Variants in ARHGAP35 observed in about 807,000 individuals in gnomAD.
ARHGAP35 encodes the protein Rho GTPase activating protein 35.
A neutral mutation model predicts 111.1 loss-of-function variants in ARHGAP35; 15 were observed. That is an observed-to-expected ratio of 0.13 (90% CI 0.09 to 0.21). ARHGAP35 has a LOEUF of 0.21. Ranked by LOEUF, ARHGAP35 falls within the 10% of genes least tolerant of loss-of-function variation. The probability of loss-of-function intolerance (pLI) is 1.00; values close to 1 mark genes in which losing one functional copy is unlikely to be tolerated. For synonymous variants in ARHGAP35, 643 were observed against 710.3 expected, an observed-to-expected ratio of 0.91 and a Z score of 1.51; for missense variants, 1,262 against 1,873.0, an observed-to-expected ratio of 0.67 and a Z score of 6.02.
intron 2 of ARHGAP35, among the ~76,000 whole-genome samples, chr19:46,925,785 C>T (rs2056234723): frequency 6.6e-6 from 1 of 152,178 alleles, no homozygotes; most frequent in Non-Finnish European, 1.5e-5. Context: ...TCTCCACATT[C>T]TTTCTGCAAA....
rs1442813643 is a variant in ARHGAP35, at chr19:46,906,009, G to A, written c.-188-12479G>A. Among the ~76,000 whole-genome samples, 6 of 151,152 alleles carry A rather than the reference G, an allele frequency of 4.0e-5. No homozygotes were observed. In the East Asian group the frequency reaches 9.8e-4, roughly 25 times the overall value. On this transcript the variant is annotated intron_variant, in intron 1 of 6. Transcript: ENST00000672722. ...ACATTTTTTTTTTTTTTTAACGTGG[G>A]ACACCAACATACAAAACAGATCAAA... is the stretch of plus-strand genomic sequence containing the variant.
Position 46,993,691 on chromosome 19 carries a change from G to T in ARHGAP35, c.4036+4016G>T, listed in dbSNP as rs185729305. Among the ~76,000 whole-genome samples the T allele has an allele frequency of 1.3e-4, 20 of 152,272 alleles. 1 individual carries two copies. The highest frequency in any genetic ancestry group is 4.8e-4 in the African/African-American group (20 of 41,546). On this transcript the variant is annotated intron_variant, in intron 5 of 6. Coordinates refer to ENST00000672722, the MANE Select transcript of ARHGAP35 (RefSeq NM_004491.5). The surrounding 1 kb of genome is among the most constrained non-coding windows in gnomAD (Gnocchi z 4.6). ...TGGCCCAAAAATGCCTCCCTTGGAC[G>T]TTTCTTGTTGTCTCAGTCGATGGCC...
chr19:46,957,051 T>C lies in ARHGAP35; in HGVS notation c.3826+19643T>C, dbSNP rs191954991. Reference sequence around the variant, plus strand: ...CTCTCGGCTCACTGCAACCTCCGCCTCCCGGGTTCACACCATTCTCCTGTC... The same window carrying C: ...CTCTCGGCTCACTGCAACCTCCGCCCCCCGGGTTCACACCATTCTCCTGTC... On this transcript the variant is annotated intron_variant, in intron 3 of 6. Coordinates refer to ENST00000672722, the MANE Select transcript of ARHGAP35 (RefSeq NM_004491.5). 8.7e-3 allele frequency among the ~76,000 whole-genome samples: 1,192 copies of C among 137,532 alleles called. 10 individuals carry two copies. Among genetic ancestry groups the C allele is most frequent in the Non-Finnish European group, 0.013 (838 of 65,456 alleles). 90.2% of individuals were successfully genotyped at this position (137,532 alleles called of 152,430 possible).
intron 2 of ARHGAP35, among the ~76,000 whole-genome samples, chr19:46,929,841 G>A (rs2056261774): frequency 6.6e-6 from 1 of 151,180 alleles, no homozygotes; most frequent in Admixed American, 6.6e-5. Context: ...TTGAACCCAG[G>A]AGGTGGAGTT....
chr19:46,961,775 C>G (rs546217754), intron 3 of ARHGAP35, among the ~76,000 whole-genome samples: 2 of 152,092 alleles, frequency 1.3e-5, no homozygotes, highest in African/African-American at 2.4e-5. Flanking sequence ...ACTAAAAATA[C>G]AAAAATTAGC....
Position 46,919,232 on chromosome 19 carries a change from A to G in ARHGAP35, c.557A>G (p.Asn186Ser), listed in dbSNP as rs766321071. ...DQLKFVSNLY[N>S]QLAKTKKPIV... ...CTCAAGTTTGTCTCCAATCTCTACA[A>G]TCAGCTTGCAAAAACAAAAAAGCCC... Residue 186 changes from asparagine to serine, a missense_variant, in exon 2 of 7, where the codon AAT becomes AGT. Transcript: ENST00000672722. The surrounding 1 kb of genome is among the most constrained non-coding windows in gnomAD (Gnocchi z 6.2). 1.5e-5 allele frequency: 25 copies of G among 1,613,882 alleles called. No individual in the cohort carries two copies. Among genetic ancestry groups the G allele is most frequent in the South Asian group, 9.9e-5 (9 of 91,064 alleles).
rs770589909 is a variant in ARHGAP35 at position 46,942,817 on chromosome 19, G to GAAAAA, written c.3826+5425_3826+5429dup. ...GGCAACAGAGCAAGACCCTGTCTCAGAAAAAAAAAAAAAAAAAAAAGGAAA... is the reference window on the plus strand; with the variant it reads ...GGCAACAGAGCAAGACCCTGTCTCAGAAAAAAAAAAAAAAAAAAAAAAAAAGGAAA... On this transcript the variant is annotated intron_variant, in intron 3 of 6. Transcript: ENST00000672722. 1.4e-5 allele frequency among the ~76,000 whole-genome samples: 2 copies of GAAAAA among 140,030 alleles called. 1 individual carries two copies. Among genetic ancestry groups the GAAAAA allele is most frequent in the Non-Finnish European group, 3.0e-5 (2 of 66,300 alleles). The allele number at this position is 140,030 out of a possible 152,430, so 91.9% of individuals were successfully genotyped here. A position where few individuals can be genotyped will look rare whatever the true frequency, so the allele number is the denominator to read the frequency against.
At chr19:46,868,648 T>C (rs1376291373) in intron 1 of ARHGAP35, among the ~76,000 whole-genome samples, 1 of 152,204 alleles carries the variant, frequency 6.6e-6, no homozygotes, top group African/African-American at 2.4e-5. Context: ...TAAACTAGTC[T>C]AACAGGAAGA....
chr19:46,861,092 GAGCCGCCGCCGCCGCCTC>G lies in ARHGAP35; in HGVS notation c.-296_-279del, dbSNP rs1335902017. ...GGGTCCGCCCGGCCCCCCGCCGCCG[GAGCCGCCGCCGCCGCCTC>G]AGCCGCCGCTGGACTAGGAGCAGGG... On this transcript the variant is annotated 5_prime_UTR_variant, in exon 1 of 7. Coordinates refer to ENST00000672722, the MANE Select transcript of ARHGAP35 (RefSeq NM_004491.5). Among the ~76,000 whole-genome samples, 2 of 151,020 alleles carry G rather than the reference GAGCCGCCGCCGCCGCCTC, an allele frequency of 1.3e-5. No individual in the cohort carries two copies. The highest frequency in any genetic ancestry group is 4.9e-5 in the African/African-American group (2 of 41,216).
chr19:46,928,989 G>A (rs770686713), intron 2 of ARHGAP35, among the ~76,000 whole-genome samples: 1 of 65,978 alleles, frequency 1.5e-5, no homozygotes, highest in Non-Finnish European at 2.9e-5. Context: ...ACATGTCTCC[G>A]TTTCTTTCTC....
At chr19:46,874,208 G>GTAA (rs1025548113) in intron 1 of ARHGAP35, among the ~76,000 whole-genome samples, 33 of 152,114 alleles carry the variant, frequency 2.2e-4, no homozygotes, top group African/African-American at 8.0e-4. Context: ...TATCTACAAG[G>GTAA]TTTAGAGTGC....
At chr19:46,911,973 A>G (rs767570152) in intron 1 of ARHGAP35, among the ~76,000 whole-genome samples, 2 of 152,052 alleles carry the variant, frequency 1.3e-5, no homozygotes, top group African/African-American at 2.4e-5. Flanking sequence ...AAATGGAAGC[A>G]TTGGGTTTTA....
At position 46,920,286 on chromosome 19, in the gene ARHGAP35, A is replaced by C; in HGVS notation, c.1611A>C (p.Gln537His). Residue 537 changes from glutamine (Q) to histidine (H), a missense_variant, in exon 2 of 7, where the codon CAA becomes CAC. This residue lies in a region of ARHGAP35 where 328 missense variants were observed against 440.8 expected (regional missense o/e 0.74). Coordinates refer to ENST00000672722, the MANE Select transcript of ARHGAP35 (RefSeq NM_004491.5). The surrounding 1 kb of genome is among the most constrained non-coding windows in gnomAD (Gnocchi z 7.0). Reference protein sequence around the residue: ...EQRFKALQKLQAERDALILKH... With the variant: ...EQRFKALQKLHAERDALILKH... ...GATTTAAAGCATTACAAAAGCTCCA[A>C]GCAGAGCGTGATGCCCTTATTCTGA... 1.9e-6 allele frequency: 3 copies of C among 1,614,034 alleles called. No homozygotes were observed. Among genetic ancestry groups the C allele is most frequent in the Non-Finnish European group, 2.5e-6 (3 of 1,179,900 alleles).
rs900432951 is a variant in ARHGAP35, at chr19:46,926,227, C to T, written c.3681+3871C>T. The stretch of plus-strand genomic sequence containing the variant: ...AGTGAGGGAATCGCTTTCATTTCTC[C>T]TCATGAAAGTGCAGACTGTAAAGCT... On this transcript the variant is annotated intron_variant, in intron 2 of 6. Coordinates refer to ENST00000672722, the MANE Select transcript of ARHGAP35 (RefSeq NM_004491.5). The surrounding 1 kb of genome is among the most constrained non-coding windows in gnomAD (Gnocchi z 4.1). 2.6e-5 allele frequency among the ~76,000 whole-genome samples: 4 copies of T among 152,168 alleles called. No individual in the cohort carries two copies. The highest frequency in any genetic ancestry group is 2.0e-4 in the Admixed American group (3 of 15,290).
At chr19:46,879,598 A>ATAAATAAATAAATAAATAAAT (rs2055947594) in intron 1 of ARHGAP35, among the ~76,000 whole-genome samples, 1 of 148,486 alleles carries the variant, frequency 6.7e-6, no homozygotes, top group Non-Finnish European at 1.5e-5. Context: ...AAATAAATAA[A>ATAAATAAATAAATAAATAAAT]TAAATAAATA....
chr19:46,884,029 T>C (rs2055979640), intron 1 of ARHGAP35, among the ~76,000 whole-genome samples: 2 of 152,164 alleles, frequency 1.3e-5, no homozygotes, highest in African/African-American at 2.4e-5. Context: ...CACTCCAACC[T>C]GGGTGACAGA....
intron 1 of ARHGAP35, among the ~76,000 whole-genome samples, chr19:46,877,865 C>T (rs1042278678): frequency 6.6e-6 from 1 of 151,860 alleles, no homozygotes; most frequent in Non-Finnish European, 1.5e-5. Context: ...TGCCACCGCG[C>T]CTGGCTAATT....
intron 3 of ARHGAP35, among the ~76,000 whole-genome samples, chr19:46,976,421 C>G (rs935292380): frequency 1.3e-5 from 2 of 152,212 alleles, no homozygotes; most frequent in African/African-American, 2.4e-5. Context: ...GGCCCCAGTG[C>G]CCTGATCAGA....
At chr19:46,863,490 G>A (rs1436723349) in intron 1 of ARHGAP35, among the ~76,000 whole-genome samples, 1 of 151,906 alleles carries the variant, frequency 6.6e-6, no homozygotes, top group East Asian at 1.9e-4. Context: ...CTATCTCTGG[G>A]CTTTGCAGCT....
Sources: allele counts gnomAD v4.1 joint callset (sites outside exome capture counted in the v4.1 genomes callset), GRCh38; gene constraint gnomAD v4.1.1; regional missense constraint gnomAD v4.1.1; non-coding constraint Gnocchi (gnomAD v3.1); transcripts MANE v1.5; gene names NCBI Gene and HGNC (gene_info 2026-07-23, HGNC 2026-07-21).